Variants in RPGRIP1L observed in about 807,000 individuals in gnomAD.
RPGRIP1L encodes protein fantom.
In RPGRIP1L, 131 loss-of-function variants were observed where a neutral mutation model predicts 160.4. That is an observed-to-expected ratio of 0.82 (90% CI 0.71 to 0.94). RPGRIP1L has a LOEUF of 0.94. RPGRIP1L is among the 40% of genes least tolerant of loss of function. The pLI is 0.00. For missense variants in RPGRIP1L, 1,522 were observed against 1,535.8 expected, an observed-to-expected ratio of 0.99 and a Z score of 0.15; for synonymous variants, 510 against 515.8, an observed-to-expected ratio of 0.99 and a Z score of 0.15.
chr16:53,681,456 A>G (rs1391638341), intron 6 of RPGRIP1L, among the ~76,000 whole-genome samples: 2 of 152,182 alleles, frequency 1.3e-5, no homozygotes, highest in African/African-American at 4.8e-5. Context: ...CGGCCTTTTT[A>G]ATAAGCAGAA....
chr16:53,703,231 T>TG (rs1462571632), intron 1 of RPGRIP1L: 3 of 152,070 alleles, frequency 2.0e-5, no homozygotes. Flanking sequence ...GTCTTACCAC[T>TG]GCACTCCAGC....
chr16:53,666,078 C>T (rs929096417), intron 9 of RPGRIP1L, among the ~76,000 whole-genome samples: 2 of 152,050 alleles, frequency 1.3e-5, no homozygotes, highest in African/African-American at 2.4e-5. Context: ...TTGTTTTATA[C>T]GATGATGAAG....
intron 7 of RPGRIP1L, 106 bp from the exon 8 acceptor site, chr16:53,673,122 C>A: frequency 9.4e-7 from 1 of 1,066,000 alleles, no homozygotes; most frequent in Non-Finnish European, 1.4e-6. Flanking sequence ...GAATTTACTC[C>A]CGAAGTTCAC....
intron 25 of RPGRIP1L, among the ~76,000 whole-genome samples, chr16:53,609,394 G>T (rs929865012): frequency 1.3e-5 from 2 of 152,108 alleles, no homozygotes; most frequent in South Asian, 4.1e-4. Flanking sequence ...CACCACACCT[G>T]GCCTTTTTAA....
At chr16:53,605,253 A>C in intron 26 of RPGRIP1L, 1 of 603,078 alleles carries the variant, frequency 1.7e-6, no homozygotes. Context: ...TTGTGAAGCT[A>C]AATTAATTAT....
chr16:53,647,595 T>C (rs570410949), intron 16 of RPGRIP1L, among the ~76,000 whole-genome samples: 1 of 152,298 alleles, frequency 6.6e-6, no homozygotes, highest in African/African-American at 2.4e-5. Flanking sequence ...TATTCCCAAA[T>C]CATTAGTTAT....
At chr16:53,645,587 GT>G (rs1567829629) in intron 17 of RPGRIP1L, 37 bp downstream of exon 17, 1 of 1,591,818 alleles carries the variant, frequency 6.3e-7, no homozygotes, top group South Asian at 1.1e-5. Flanking sequence ...ATTTTGTTTT[GT>G]TTTTACAATT....
At chr16:53,678,328 A>C (rs912136029) in intron 6 of RPGRIP1L, among the ~76,000 whole-genome samples, 7 of 152,144 alleles carry the variant, frequency 4.6e-5, no homozygotes, top group Non-Finnish European at 1.0e-4. Flanking sequence ...GTCAAGCAAT[A>C]AACTCTGAAA....
chr16:53,687,992 T>C (rs544233054), intron 4 of RPGRIP1L, 27 bp from the exon 5 acceptor site: 1 of 1,316,542 alleles, frequency 7.6e-7, no homozygotes, highest in Admixed American at 1.7e-5. Flanking sequence ...AAAATATGAT[T>C]ACAGAATTGA....
At chr16:53,663,179 T>C (rs975366635) in intron 10 of RPGRIP1L, among the ~76,000 whole-genome samples, 4 of 151,964 alleles carry the variant, frequency 2.6e-5, no homozygotes, top group African/African-American at 9.7e-5. Context: ...ACATGAGTTA[T>C]GTTTATTATT....
At chr16:53,692,385 T>A (rs1403916841) in intron 3 of RPGRIP1L, 21 bp from the exon 4 acceptor site, 1 of 1,605,384 alleles carries the variant, frequency 6.2e-7, no homozygotes. Context: ...AATAAAAAGA[T>A]GAAAAGGAAT....
intron 22 of RPGRIP1L, among the ~76,000 whole-genome samples, chr16:53,632,293 C>T (rs1965567698): frequency 1.3e-5 from 2 of 152,222 alleles, no homozygotes; most frequent in Non-Finnish European, 2.9e-5. Flanking sequence ...TTATCTAGGA[C>T]ACTACTTCTA....
chr16:53,702,183 G>A (rs1428242928), intron 1 of RPGRIP1L, among the ~76,000 whole-genome samples: 1 of 152,180 alleles, frequency 6.6e-6, no homozygotes, highest in African/African-American at 2.4e-5. Flanking sequence ...ATATCCTTGT[G>A]AGGCTGTTAC....
chr16:53,671,548 C>T lies in RPGRIP1L; in HGVS notation c.1065G>A (p.Arg355=), dbSNP rs2151236560. 9.5e-6 allele frequency: 15 copies of T among 1,574,220 alleles called. No individual in the cohort carries two copies. Among genetic ancestry groups the T allele is most frequent in the Non-Finnish European group, 1.3e-5 (15 of 1,145,974 alleles). ...QDRINDLEKE[R]ELLKENYDKL... is the part of the protein sequence containing the mutation. ...TATCATAGTTTTCCTTTAAAAGTTC[C>T]CGTTCCTTTTCTAAATCATTAATTC... The change falls in exon 9 of 27, where the codon CGG becomes CGA. Residue 355 remains arginine, a synonymous_variant. Coordinates refer to ENST00000647211, the MANE Select transcript of RPGRIP1L (RefSeq NM_015272.5).
chr16:53,637,555 T>TA, intron 21 of RPGRIP1L, 140 bp downstream of exon 21: 1 of 747,398 alleles, frequency 1.3e-6, no homozygotes, highest in Non-Finnish European at 2.3e-6. Context: ...GATGGAACTA[T>TA]ATTCTATCAT....
intron 6 of RPGRIP1L, among the ~76,000 whole-genome samples, chr16:53,680,260 C>G (rs143907714): frequency 2.0e-3 from 303 of 152,202 alleles, no homozygotes; most frequent in Non-Finnish European, 3.2e-3. Flanking sequence ...AAATAACAGT[C>G]AGAGCATGGT....
chr16:53,616,874 C>A (rs1485883688), intron 24 of RPGRIP1L, among the ~76,000 whole-genome samples: 2 of 151,674 alleles, frequency 1.3e-5, no homozygotes, highest in African/African-American at 4.9e-5. Flanking sequence ...GAGTTTGAGA[C>A]CAGCCTCGGC....
chr16:53,698,787 GGC>G (rs1971113264), intron 2 of RPGRIP1L, among the ~76,000 whole-genome samples: 1 of 150,044 alleles, frequency 6.7e-6, no homozygotes, highest in Non-Finnish European at 1.5e-5. Context: ...CCCCCCACCC[GGC>G]CAGCCGCCTC....
chr16:53,638,401 G>A lies in RPGRIP1L; in HGVS notation c.2969C>T (p.Pro990Leu). 1 of 1,545,384 alleles carries A rather than the reference G, an allele frequency of 6.5e-7. No individual in the cohort carries two copies. The highest frequency in any genetic ancestry group is 2.3e-5 in the East Asian group (1 of 44,354). ...AATTTCCTTCCTATCTTCAGGAGGA[G>A]GAGAAGTCTCCTTATATTAATGTGA... ...IMPHQSDETS[P>L]PPEDRKEISP... The change falls in exon 20 of 27, where the codon CCT becomes CTT. Residue 990 changes from proline (P) to leucine (L), a missense_variant. Transcript: ENST00000647211.
Sources: gnomAD v4.1 joint callset for allele counts (sites outside exome capture counted in the v4.1 genomes callset) on GRCh38, gnomAD v4.1.1 for gene constraint, MANE v1.5 for transcripts, NCBI Gene and HGNC (gene_info 2026-07-23, HGNC 2026-07-21) for gene names.